ZZZ3: variants seen among roughly 807,000 people sequenced by gnomAD.
ZZZ3 encodes zinc finger ZZ-type containing 3, also known as ZZ-type zinc finger-containing protein 3.
ZZZ3 carries 22 observed loss-of-function variants against 95.2 expected under a neutral mutation model. The ratio of observed to expected loss-of-function variants is 0.23; its 90% CI spans 0.17 to 0.33. The LOEUF is 0.33. ZZZ3 is among the 10% of genes least tolerant of loss of function. ZZZ3 has a pLI of 1.00. For synonymous variants in ZZZ3, 335 were observed against 358.9 expected (o/e 0.93, Z 0.75); for missense variants, 885 against 1,066.5 (o/e 0.83, Z 2.37).
At chr1:77,609,142 C>T (rs374900231) in intron 5 of ZZZ3, among the ~76,000 whole-genome samples, 1 of 152,026 alleles carries the variant, frequency 6.6e-6, no homozygotes, top group African/African-American at 2.4e-5. Flanking sequence ...CTACAAGAAA[C>T]ACACTTCACC....
chr1:77,599,890 T>A (rs1664568381), intron 5 of ZZZ3, among the ~76,000 whole-genome samples: 2 of 152,180 alleles, frequency 1.3e-5, no homozygotes, highest in Non-Finnish European at 2.9e-5. Context: ...TTCCAAAAAG[T>A]CTTCATTATA....
chr1:77,681,782 C>T (rs939782851), intron 1 of ZZZ3, among the ~76,000 whole-genome samples: 11 of 151,900 alleles, frequency 7.2e-5, no homozygotes, highest in African/African-American at 2.7e-4. Context: ...ATCCCAGCTA[C>T]TCGATACTCG....
chr1:77,660,692 A>G lies in ZZZ3; in HGVS notation c.-402-19037T>C, dbSNP rs542810966. Among the ~76,000 whole-genome samples, 3 of 152,290 alleles carry G rather than the reference A, an allele frequency of 2.0e-5. No homozygotes were observed. In the East Asian group the frequency reaches 5.8e-4, roughly 29 times the overall value. ...AACACAGGTGTACAAATCTCTCTTCAAGACCCGGCCTTCAATCCTTTCAGG... is the reference window on the plus strand; with the variant it reads ...AACACAGGTGTACAAATCTCTCTTCGAGACCCGGCCTTCAATCCTTTCAGG... On this transcript the variant is annotated intron_variant, in intron 1 of 14. Coordinates refer to ENST00000370801, the MANE Select transcript of ZZZ3 (RefSeq NM_015534.6).
intron 5 of ZZZ3, among the ~76,000 whole-genome samples, chr1:77,599,220 T>G (rs368729002): frequency 6.6e-6 from 1 of 152,026 alleles, no homozygotes; most frequent in South Asian, 2.1e-4. Flanking sequence ...CAAGACAAAA[T>G]TAAAACTTGT....
intron 12 of ZZZ3, among the ~76,000 whole-genome samples, chr1:77,574,091 G>GAT (rs895682452): frequency 8.8e-5 from 13 of 147,356 alleles, no homozygotes; most frequent in South Asian, 8.5e-4. Context: ...TCTGTAGTGG[G>GAT]ATATATATAT....
intron 5 of ZZZ3, among the ~76,000 whole-genome samples, chr1:77,620,484 T>TGGAAGGAAGGAAGGAA (rs67469701): frequency 2.0e-3 from 276 of 135,826 alleles, no homozygotes; most frequent in Non-Finnish European, 3.3e-3. Flanking sequence ...AACGAAAGAA[T>TGGAAGGAAGGAAGGAA]GGAAGGAAGG....
chr1:77,581,926 C>A, intron 7 of ZZZ3, 35 bp from the exon 8 acceptor site: 1 of 1,604,762 alleles, frequency 6.2e-7, no homozygotes, highest in Non-Finnish European at 8.5e-7. Context: ...ACTGTTAAAG[C>A]AAAACATTGC....
intron 1 of ZZZ3, among the ~76,000 whole-genome samples, chr1:77,653,492 G>A (rs139082650): frequency 2.6e-5 from 4 of 152,292 alleles, no homozygotes; most frequent in South Asian, 2.1e-4. Flanking sequence ...GATGGCTCAC[G>A]CCTGTAATCC....
chr1:77,645,632 A>G (rs1207202962), intron 1 of ZZZ3: 3 of 152,196 alleles, frequency 2.0e-5, no homozygotes, highest in African/African-American at 4.8e-5. Flanking sequence ...AAACAAAATG[A>G]GAAGAAAATG....
At chr1:77,648,257 G>A (rs1050693197) in intron 1 of ZZZ3, among the ~76,000 whole-genome samples, 1 of 150,958 alleles carries the variant, frequency 6.6e-6, no homozygotes, top group Non-Finnish European at 1.5e-5. Flanking sequence ...GCCGAGGTGG[G>A]AGTTTTGCTT....
chr1:77,616,871 A>G (rs1044783835), intron 5 of ZZZ3, among the ~76,000 whole-genome samples: 1 of 152,132 alleles, frequency 6.6e-6, no homozygotes, highest in Non-Finnish European at 1.5e-5. Context: ...CGTCTCTAAA[A>G]TAAATAAATA....
At chr1:77,576,294 T>C (rs1475211697) in intron 11 of ZZZ3, 74 bp from the exon 12 acceptor site, 18 of 1,223,922 alleles carry the variant, frequency 1.5e-5, no homozygotes, top group Non-Finnish European at 1.9e-5. Context: ...AAAATACAAA[T>C]GTTACTTCCA....
chr1:77,667,526 C>T (rs991621480), intron 1 of ZZZ3, among the ~76,000 whole-genome samples: 3 of 152,104 alleles, frequency 2.0e-5, no homozygotes, highest in Admixed American at 6.6e-5. Context: ...TGTCCTTAAG[C>T]ATTTTTACAA....
At chr1:77,568,218 G>T (rs1661010892) in intron 13 of ZZZ3, 114 bp downstream of exon 13, 1 of 800,404 alleles carries the variant, frequency 1.2e-6, no homozygotes. Flanking sequence ...GGCAGAGGTT[G>T]CAGTAAGCTG....
intron 5 of ZZZ3, among the ~76,000 whole-genome samples, chr1:77,609,915 T>C (rs979272602): frequency 6.6e-6 from 1 of 151,956 alleles, no homozygotes; most frequent in Non-Finnish European, 1.5e-5. Context: ...TTTATAGGTA[T>C]CAGTGCCAAC....
chr1:77,619,090 T>C (rs1006318927), intron 5 of ZZZ3, among the ~76,000 whole-genome samples: 5 of 152,282 alleles, frequency 3.3e-5, no homozygotes, highest in East Asian at 1.9e-4. Context: ...AAGATTCCCT[T>C]GATATTTCCC....
intron 1 of ZZZ3, among the ~76,000 whole-genome samples, chr1:77,665,543 G>T (rs1333003704): frequency 6.6e-6 from 1 of 152,136 alleles, no homozygotes; most frequent in African/African-American, 2.4e-5. Flanking sequence ...TATAGACAAT[G>T]ATAGTTTCTA....
At chr1:77,673,021 C>T (rs1045315300) in intron 1 of ZZZ3, among the ~76,000 whole-genome samples, 15 of 152,120 alleles carry the variant, frequency 9.9e-5, no homozygotes, top group African/African-American at 2.9e-4. Context: ...AAGTACAGGA[C>T]TGCTAAGTAT....
intron 5 of ZZZ3, among the ~76,000 whole-genome samples, chr1:77,614,633 T>C (rs945212312): frequency 6.6e-6 from 1 of 152,146 alleles, no homozygotes; most frequent in African/African-American, 2.4e-5. Context: ...TAACACTATA[T>C]ATCACTTTTT....
Sources: gnomAD v4.1 joint callset for allele counts (sites outside exome capture counted in the v4.1 genomes callset) on GRCh38, gnomAD v4.1.1 for gene constraint, MANE v1.5 for transcripts, NCBI Gene and HGNC (gene_info 2026-07-23, HGNC 2026-07-21) for gene names.